The following GALNT13 variants were observed in gnomAD, a reference collection of about 807,000 sequenced individuals.
The protein encoded by GALNT13 is UDP-GalNAc:polypeptide N-acetylgalactosaminyltransferase 13.
GALNT13 carries 28 observed loss-of-function variants against 64.2 expected under a neutral mutation model. That is an observed-to-expected ratio of 0.44 (90% CI 0.32 to 0.60). The LOEUF is 0.60. Among genes scored for constraint, GALNT13 ranks in the 20% least tolerant of loss-of-function variants. The pLI is 0.05. For missense variants in GALNT13, 577 were observed against 669.8 expected, an observed-to-expected ratio of 0.86 and a Z score of 1.53; for synonymous variants, 214 against 224.6, an observed-to-expected ratio of 0.95 and a Z score of 0.42.
At chr2:153,727,285 G>T in the GALNT13 span, among the ~76,000 whole-genome samples, 3 of 152,086 alleles carry the variant, frequency 2.0e-5, no homozygotes, top group Non-Finnish European at 4.4e-5. Context: ...CTTAACAAAA[G>T]GTTTGTGAGA....
the GALNT13 span, among the ~76,000 whole-genome samples, chr2:153,787,736 T>C: frequency 1.3e-5 from 2 of 152,148 alleles, no homozygotes; most frequent in African/African-American, 4.8e-5. Context: ...ATAGGTAGTA[T>C]AAAAAAGAAC....
the GALNT13 span, among the ~76,000 whole-genome samples, chr2:153,817,578 C>G: frequency 6.6e-6 from 1 of 152,162 alleles, no homozygotes; most frequent in Admixed American, 6.5e-5. Context: ...TCCTGCTCCT[C>G]TGCTATAAAT....
the GALNT13 span, among the ~76,000 whole-genome samples, chr2:153,439,927 G>T: frequency 6.6e-6 from 1 of 152,172 alleles, no homozygotes; most frequent in Non-Finnish European, 1.5e-5. Flanking sequence ...GGGAGCTGCA[G>T]ACTGGAGCTG....
chr2:153,867,307 G>A (rs1685784052), upstream of GALNT13, among the ~76,000 whole-genome samples: 2 of 152,104 alleles, frequency 1.3e-5, no homozygotes, highest in Admixed American at 1.3e-4. Context: ...ACGGGCCCTA[G>A]CAACTTGAGG....
intron 4 of GALNT13, among the ~76,000 whole-genome samples, chr2:154,161,129 T>G (rs545032865): frequency 4.6e-5 from 7 of 152,118 alleles, no homozygotes; most frequent in African/African-American, 7.2e-5. Context: ...TTGAGTTTCT[T>G]GAGAGGGTAA....
chr2:153,978,759 A>C (rs1016651693), intron 3 of GALNT13, among the ~76,000 whole-genome samples: 1 of 152,104 alleles, frequency 6.6e-6, no homozygotes, highest in Non-Finnish European at 1.5e-5. Context: ...TGGACTAATA[A>C]AATATCTTGT....
chr2:153,542,512 A>C, the GALNT13 span, among the ~76,000 whole-genome samples: 21 of 152,160 alleles, frequency 1.4e-4, no homozygotes, highest in Admixed American at 2.0e-4. Flanking sequence ...GTAGATGGAA[A>C]ATTATGAAGA....
chr2:153,732,175 C>A, the GALNT13 span, among the ~76,000 whole-genome samples: 2 of 151,734 alleles, frequency 1.3e-5, no homozygotes, highest in African/African-American at 4.8e-5. Context: ...ATTTATATAT[C>A]CTAAATCCAT....
rs190545611 is a variant in GALNT13, at chr2:154,384,090, T to C, written c.1157-11901T>C. ...CCATTGTCTTGGTTTCATTAAAAAT[T>C]TGTGATTAAAACTTGTTAATGGAAG... On this transcript the variant is annotated intron_variant, in intron 9 of 12. Coordinates refer to ENST00000392825, the MANE Select transcript of GALNT13 (RefSeq NM_052917.4). 8.2e-4 allele frequency among the ~76,000 whole-genome samples: 125 copies of C among 152,026 alleles called. 2 individuals carry two copies. Among genetic ancestry groups the C allele is most frequent in the Middle Eastern group, 3.4e-3 (1 of 294 alleles).
chr2:153,592,055 G>T, the GALNT13 span, among the ~76,000 whole-genome samples: 1 of 144,294 alleles, frequency 6.9e-6, no homozygotes, highest in Admixed American at 6.8e-5. Context: ...CTGACAAATG[G>T]TTAACAGATT....
chr2:153,337,258 A>G, the GALNT13 span, among the ~76,000 whole-genome samples: 1 of 152,220 alleles, frequency 6.6e-6, no homozygotes, highest in East Asian at 1.9e-4. Flanking sequence ...TTTATAGTTT[A>G]CTTAGAATCA....
At chr2:154,029,007 A>G (rs1004182740) in intron 3 of GALNT13, among the ~76,000 whole-genome samples, 8 of 152,020 alleles carry the variant, frequency 5.3e-5, no homozygotes, top group African/African-American at 1.9e-4. Context: ...GATAGCAGTA[A>G]GAATTTAGCT....
chr2:153,166,767 A>G, the GALNT13 span, among the ~76,000 whole-genome samples: 2 of 152,108 alleles, frequency 1.3e-5, no homozygotes. Flanking sequence ...TGGCCTTGGC[A>G]CATTGCCTGG....
chr2:154,098,559 A>G (rs1702189661), intron 3 of GALNT13, among the ~76,000 whole-genome samples: 1 of 152,164 alleles, frequency 6.6e-6, no homozygotes, highest in Non-Finnish European at 1.5e-5. Context: ...AATAGTGAGC[A>G]TTGTACCCAA....
the GALNT13 span, among the ~76,000 whole-genome samples, chr2:153,259,116 A>T: frequency 0.83 from 125,744 of 152,106 alleles, 53,165 homozygotes; most frequent in African/African-American, 0.91. Context: ...CAGTGTTGGG[A>T]GTATGTATAT....
chr2:153,470,585 G>A, the GALNT13 span, among the ~76,000 whole-genome samples: 18 of 152,192 alleles, frequency 1.2e-4, no homozygotes, highest in Non-Finnish European at 2.6e-4. Flanking sequence ...GAGAAAGTCT[G>A]AGTGACACTA....
chr2:153,181,770 A>C, the GALNT13 span, among the ~76,000 whole-genome samples: 1 of 145,796 alleles, frequency 6.9e-6, no homozygotes, highest in East Asian at 2.0e-4. Flanking sequence ...ATATAATACA[A>C]ATATAAATTT....
chr2:153,800,021 T>G, the GALNT13 span, among the ~76,000 whole-genome samples: 14 of 151,240 alleles, frequency 9.3e-5, no homozygotes, highest in Non-Finnish European at 1.2e-4. Flanking sequence ...AATTGATTTC[T>G]CTTATGCTTA....
chr2:153,887,239 ATTG>A lies in GALNT13; in HGVS notation c.-176-13692_-176-13690del, dbSNP rs201532835. Among the ~76,000 whole-genome samples, 462 of 151,408 alleles carry A rather than the reference ATTG, an allele frequency of 3.1e-3. 2 individuals carry two copies. The highest frequency in any genetic ancestry group is 5.2e-3 in the Non-Finnish European group (354 of 67,822). ...AGGTGACAATGCATGAAATGTACTG[ATTG>A]TTGTGCTTGGCACTTAGCAGGTGCT... On this transcript the variant is annotated intron_variant, in intron 1 of 12. Transcript: ENST00000392825.
Sources: allele counts gnomAD v4.1 joint callset (sites outside exome capture counted in the v4.1 genomes callset), GRCh38; gene constraint gnomAD v4.1.1; transcripts MANE v1.5; gene names NCBI Gene and HGNC (gene_info 2026-07-23, HGNC 2026-07-21).